Variants in CGAS observed in about 807,000 individuals in gnomAD.
CGAS encodes 2'3'-cGAMP synthase.
In CGAS, 31 loss-of-function variants were observed where a neutral mutation model predicts 34.0. The observed-to-expected ratio is 0.91, with a 90% CI of 0.69 to 1.23. The LOEUF (loss-of-function observed/expected upper bound fraction) is 1.23. Among genes scored for constraint, CGAS ranks in the 50% most tolerant of loss-of-function variants. CGAS has a pLI of 0.00. For missense variants in CGAS, 597 were observed against 657.6 expected, an observed-to-expected ratio of 0.91 and a Z score of 1.01; for synonymous variants, 266 against 260.0, an observed-to-expected ratio of 1.02 and a Z score of -0.22.
rs1037410849 is a variant in CGAS at position 73,452,199 on chromosome 6, C to G, written c.-18G>C. 1.3e-6 allele frequency: 2 copies of G among 1,582,486 alleles called. No individual in the cohort carries two copies. The highest frequency in any genetic ancestry group is 1.4e-5 in the African/African-American group (1 of 72,504). On this transcript the variant is annotated 5_prime_UTR_variant, in exon 1 of 5. Coordinates refer to ENST00000370315, the MANE Select transcript of CGAS (RefSeq NM_138441.3). ...GGCTGCATGGCTGGCGCTTTCTGTT[C>G]CCCGAAAGAAGAATCCGTTTCAGGA...
intron 1 of CGAS, among the ~76,000 whole-genome samples, chr6:73,448,146 C>T (rs1470115521): frequency 6.6e-6 from 1 of 152,180 alleles, no homozygotes; most frequent in Non-Finnish European, 1.5e-5. Flanking sequence ...AATCCCAGTA[C>T]TTTGGGAGGC....
chr6:73,431,471 CA>C (rs1334896789), intron 3 of CGAS, among the ~76,000 whole-genome samples: 1 of 151,766 alleles, frequency 6.6e-6, no homozygotes, highest in Non-Finnish European at 1.5e-5. Context: ...AACTCCCTCT[CA>C]AAAAAACAAA....
At chr6:73,428,914 T>C in intron 3 of CGAS, 103 bp from the exon 4 acceptor site, 1 of 1,043,290 alleles carries the variant, frequency 9.6e-7, no homozygotes, top group Non-Finnish European at 1.4e-6. Context: ...GGGCTGGGCA[T>C]GGGGGCTCAC....
At chr6:73,431,238 A>AG (rs1770191793) in intron 3 of CGAS, among the ~76,000 whole-genome samples, 1 of 152,192 alleles carries the variant, frequency 6.6e-6, no homozygotes, top group Non-Finnish European at 1.5e-5. Context: ...TGGGAGGCTG[A>AG]GGCGGTGGAT....
intron 3 of CGAS, among the ~76,000 whole-genome samples, chr6:73,436,282 T>C (rs1770277742): frequency 1.1e-5 from 1 of 90,142 alleles, no homozygotes; most frequent in African/African-American, 4.0e-5. Flanking sequence ...TATTGATACA[T>C]TATTGTTAAC....
intron 3 of CGAS, among the ~76,000 whole-genome samples, chr6:73,436,734 G>A (rs13202298): frequency 6.6e-6 from 1 of 151,318 alleles, no homozygotes; most frequent in Non-Finnish European, 1.5e-5. Flanking sequence ...TGTTGCCCAC[G>A]CTGGTCTCGA....
chr6:73,445,456 G>C, intron 2 of CGAS, 72 bp downstream of exon 2: 8 of 1,077,666 alleles, frequency 7.4e-6, no homozygotes, highest in South Asian at 3.3e-5. Flanking sequence ...CAAGAAACAT[G>C]AGAATGGGAG....
intron 3 of CGAS, among the ~76,000 whole-genome samples, chr6:73,430,248 G>A (rs941741717): frequency 1.3e-5 from 2 of 152,012 alleles, no homozygotes; most frequent in Admixed American, 6.6e-5. Context: ...GCACAGTAAG[G>A]GAAGGAAAAA....
In CGAS at chr6:73,451,531, G is replaced by A. The variant is rs773683850; in HGVS notation, c.651C>T (p.His217=). The A allele has an allele frequency of 3.8e-6, 6 of 1,558,706 alleles. No individual in the cohort carries two copies. The highest frequency in any genetic ancestry group is 3.5e-6 in the Non-Finnish European group (4 of 1,150,702). The change falls in exon 1 of 5, where the codon CAC becomes CAT. Residue 217 remains histidine, a synonymous_variant. Transcript: ENST00000370315. ...AGGGCGCCAAGCAGCTCACCTTCAC[G>A]TGCTCATAGTAGCTCCCGGTGTTCA... ...GLLNTGSYYE[H]VKISAPNEFD...
intron 3 of CGAS, 164 bp downstream of exon 3, chr6:73,440,045 C>T: frequency 1.7e-6 from 1 of 603,038 alleles, no homozygotes. Flanking sequence ...ACAACTTTGC[C>T]CTTTTCAATT....
rs386407555 is a variant in CGAS, at chr6:73,450,989, CA to C, written c.657+535del. ...TGGGGGACGCAGCGAGACTCCGCCT[CA>C]AAAAAAAAAAAAAAGAAAAGAAAAG... On this transcript the variant is annotated intron_variant, in intron 1 of 4. Coordinates refer to ENST00000370315, the MANE Select transcript of CGAS (RefSeq NM_138441.3). 4.8e-3 allele frequency among the ~76,000 whole-genome samples: 367 copies of C among 75,844 alleles called. 1 individual carries two copies. Among genetic ancestry groups the C allele is most frequent in the African/African-American group, 0.014 (270 of 18,868 alleles). 49.8% of individuals were successfully genotyped at this position (75,844 alleles called of 152,430 possible).
intron 3 of CGAS, among the ~76,000 whole-genome samples, chr6:73,433,153 C>A (rs1770221608): frequency 6.6e-6 from 1 of 151,944 alleles, no homozygotes; most frequent in Non-Finnish European, 1.5e-5. Context: ...AAAAGATATA[C>A]AAAACCTCTG....
In CGAS at chr6:73,425,086, T is replaced by A; in HGVS notation, c.*141A>T. On this transcript the variant is annotated 3_prime_UTR_variant, in exon 5 of 5. Transcript: ENST00000370315. ...TCAGGCTGGTCTCAAACTCCTGACC[T>A]CAAGTGATCCGCCTGCCTCGGCCTC... The A allele has an allele frequency of 1.7e-6, 1 of 571,886 alleles. No individual in the cohort carries two copies. The highest frequency in any genetic ancestry group is 3.0e-6 in the Non-Finnish European group (1 of 337,726). The allele number at this position is 571,886 out of a possible 1,614,324, so 35.4% of individuals were successfully genotyped here. A position where few individuals can be genotyped will look rare whatever the true frequency, so the allele number is the denominator to read the frequency against.
rs1770129752 is a variant in CGAS at position 73,428,571 on chromosome 6, C to T, written c.1217+138G>A. On this transcript the variant is annotated intron_variant, in intron 4 of 4. Transcript: ENST00000370315. ...TCTAGCTTCTCTGGTTTCATACTCA[C>T]ACTCTCCCCAGCTCAACCCAATCCT... The T allele has an allele frequency of 2.5e-5, 17 of 680,012 alleles. No individual in the cohort carries two copies. The South Asian group carries it at 3.3e-4, about 13-fold the overall frequency. The allele number at this position is 680,012 out of a possible 1,614,324, so 42.1% of individuals were successfully genotyped here. A position where few individuals can be genotyped will look rare whatever the true frequency, so the allele number is the denominator to read the frequency against.
rs73754628 is a variant in CGAS at position 73,428,780 on chromosome 6, G to T, written c.1146C>A (p.Ile382=). Residue 382 remains isoleucine (I), a synonymous_variant, in exon 4 of 5, where the codon ATC becomes ATA. Coordinates refer to ENST00000370315, the MANE Select transcript of CGAS (RefSeq NM_138441.3). The part of the protein sequence containing the change: ...EETWRLSFSH[I]EKEILNNHGK... ...CATGATTGTTCAAAATTTCCTTTTCGATGTGAGAGAAGGATAGCCGCCATG... is the reference window on the plus strand; with the variant it reads ...CATGATTGTTCAAAATTTCCTTTTCTATGTGAGAGAAGGATAGCCGCCATG... 6.2e-7 allele frequency: 1 copy of T among 1,613,360 alleles called. No individual in the cohort carries two copies. The highest frequency in any genetic ancestry group is 1.3e-5 in the African/African-American group (1 of 74,908).
At chr6:73,448,719 C>G (rs1770509425) in intron 1 of CGAS, among the ~76,000 whole-genome samples, 1 of 152,144 alleles carries the variant, frequency 6.6e-6, no homozygotes, top group Non-Finnish European at 1.5e-5. Flanking sequence ...AAACTCCCGC[C>G]TCAGCCTCCC....
chr6:73,430,232 T>C (rs1770171207), intron 3 of CGAS, among the ~76,000 whole-genome samples: 1 of 152,028 alleles, frequency 6.6e-6, no homozygotes, highest in Admixed American at 6.6e-5. Flanking sequence ...CTGGGTGTCA[T>C]AGCAAGCACA....
Position 73,451,947 on chromosome 6 carries a change from C to A in CGAS, c.235G>T (p.Ala79Ser). Residue 79 changes from alanine (A) to serine (S), a missense_variant, in exon 1 of 5, where the codon GCC becomes TCC. By Grantham distance (99) the Ala-to-Ser change is moderately conservative. Coordinates refer to ENST00000370315, the MANE Select transcript of CGAS (RefSeq NM_138441.3). ...QERPPVRATG[A>S]RAKKAPQRAQ... ...CGCTGAGGGGCCTTTTTGGCGCGGGCCCCAGTTGCGCGGACGGGCGGCCTC... is the reference window on the plus strand; with the variant it reads ...CGCTGAGGGGCCTTTTTGGCGCGGGACCCAGTTGCGCGGACGGGCGGCCTC... The A allele has an allele frequency of 6.7e-7, 1 of 1,493,066 alleles. No homozygotes were observed. The allele number at this position is 1,493,066 out of a possible 1,614,324, so 92.5% of individuals were successfully genotyped here.
At chr6:73,431,027 A>G (rs934029020) in intron 3 of CGAS, among the ~76,000 whole-genome samples, 8 of 151,626 alleles carry the variant, frequency 5.3e-5, no homozygotes, top group Non-Finnish European at 1.0e-4. Flanking sequence ...GCTTGAATTC[A>G]GGAGGCAGAG....
Sources: allele counts gnomAD v4.1 joint callset (sites outside exome capture counted in the v4.1 genomes callset), GRCh38; gene constraint gnomAD v4.1.1; transcripts MANE v1.5; gene names NCBI Gene and HGNC (gene_info 2026-07-23, HGNC 2026-07-21).